The following BRSK2 variants were observed in gnomAD, a reference collection of about 807,000 sequenced individuals.
BRSK2 encodes the protein serine/threonine-protein kinase BRSK2.
In BRSK2, 19 loss-of-function variants were observed where a neutral mutation model predicts 83.3. The observed-to-expected ratio is 0.23, with a 90% CI of 0.16 to 0.33. BRSK2 has a LOEUF of 0.33. Among genes scored for constraint, BRSK2 ranks in the 10% least tolerant of loss-of-function variants. The pLI is 1.00. For synonymous variants in BRSK2, 519 were observed against 435.4 expected (o/e 1.19, Z -2.39); for missense variants, 798 against 1,042.3 (o/e 0.77, Z 3.23).
chr11:1,442,362 G>A, intron 4 of BRSK2, 128 bp from the exon 5 acceptor site: 1 of 660,968 alleles, frequency 1.5e-6, no homozygotes, highest in Non-Finnish European at 2.8e-6. Context: ...ACCAGGCTGG[G>A]CTGCTATTGG....
chr11:1,436,011 G>T, intron 1 of BRSK2, 29 bp from the exon 2 acceptor site: 3 of 1,571,486 alleles, frequency 1.9e-6, no homozygotes, highest in East Asian at 4.6e-5. Flanking sequence ...CCCTGGGTGG[G>T]TCTGAGCGCG....
chr11:1,448,816 G>A (rs978271642), intron 12 of BRSK2, among the ~76,000 whole-genome samples: 1 of 152,256 alleles, frequency 6.6e-6, no homozygotes, highest in Non-Finnish European at 1.5e-5. Flanking sequence ...TCACCGTGGG[G>A]ACCAGCCCCC....
In BRSK2 at chr11:1,406,282, T is replaced by A. The variant is rs1395367506; in HGVS notation, c.91+15907T>A. Reference sequence around the variant, plus strand: ...ATGGAGACCATCCTGGCTAACACGGTGAAACCCCATCTCTACTAAAAATAC... The same window carrying A: ...ATGGAGACCATCCTGGCTAACACGGAGAAACCCCATCTCTACTAAAAATAC... On this transcript the variant is annotated intron_variant, in intron 1 of 19. Transcript: ENST00000528841. Among the ~76,000 whole-genome samples, 3 of 152,098 alleles carry A rather than the reference T, an allele frequency of 2.0e-5. No individual in the cohort carries two copies. The East Asian group carries it at 5.8e-4, about 29-fold the overall frequency.
At chr11:1,397,214 C>A (rs796156213) in intron 1 of BRSK2, among the ~76,000 whole-genome samples, 8 of 152,348 alleles carry the variant, frequency 5.3e-5, no homozygotes, top group African/African-American at 1.9e-4. Flanking sequence ...CCTGAGGCCT[C>A]ACCCCAGGGA....
At chr11:1,429,164 G>A (rs1217139426) in intron 1 of BRSK2, among the ~76,000 whole-genome samples, 4 of 149,104 alleles carry the variant, frequency 2.7e-5, no homozygotes, top group East Asian at 2.0e-4. Flanking sequence ...GTGTGTGCAC[G>A]GGTGTGTGTC....
At chr11:1,410,577 G>A (rs1847366304) in intron 1 of BRSK2, 1 of 985,476 alleles carries the variant, frequency 1.0e-6, no homozygotes, top group South Asian at 4.7e-5. Context: ...AGGCTCTCTG[G>A]TCCCCGGGAG....
chr11:1,414,039 G>GT (rs1227504720), intron 1 of BRSK2, among the ~76,000 whole-genome samples: 2 of 152,234 alleles, frequency 1.3e-5, no homozygotes, highest in Admixed American at 1.3e-4. Context: ...ATATAACTGC[G>GT]TTTTCTCCAT....
intron 12 of BRSK2, among the ~76,000 whole-genome samples, chr11:1,446,365 G>A (rs555114631): frequency 6.6e-6 from 1 of 150,538 alleles, no homozygotes; most frequent in African/African-American, 2.5e-5. Context: ...GGGCAGGGCT[G>A]GGCTGAGCTG....
chr11:1,446,175 C>T lies in BRSK2; in HGVS notation c.1226+268C>T, dbSNP rs545511711. Among the ~76,000 whole-genome samples the T allele has an allele frequency of 8.7e-5, 12 of 138,388 alleles. No homozygotes were observed. The South Asian group carries it at 2.4e-3, about 27-fold the overall frequency. 90.8% of individuals were successfully genotyped at this position (138,388 alleles called of 152,430 possible). A position where few individuals can be genotyped will look rare whatever the true frequency, so the allele number is the denominator to read the frequency against. Reference sequence around the variant, plus strand: ...CTAGGCTGAGCTGGGCTGGCCTGGGCTGGGCTGGGCTAGTTTGGGCTGGGC... The same window carrying T: ...CTAGGCTGAGCTGGGCTGGCCTGGGTTGGGCTGGGCTAGTTTGGGCTGGGC... On this transcript the variant is annotated intron_variant, in intron 12 of 19. Coordinates refer to ENST00000528841, the MANE Select transcript of BRSK2 (RefSeq NM_001256627.2).
Position 1,443,316 on chromosome 11 carries a change from C to A in BRSK2, c.565-19C>A, listed in dbSNP as rs755908252. 3 of 1,600,172 alleles carry A rather than the reference C, an allele frequency of 1.9e-6. No homozygotes were observed. Among genetic ancestry groups the A allele is most frequent in the South Asian group, 2.2e-5 (2 of 89,050 alleles). The stretch of plus-strand genomic sequence containing the variant: ...CCCTGCCCTGCGCCCCCCAACAGCC[C>A]GGGCACTGCTGTCCACAGGGGGAGA... On this transcript the variant is annotated intron_variant, in intron 6 of 19. Transcript: ENST00000528841.
chr11:1,455,614 G>A (rs979005518), intron 16 of BRSK2, among the ~76,000 whole-genome samples: 19 of 152,030 alleles, frequency 1.2e-4, no homozygotes, highest in African/African-American at 4.6e-4. Flanking sequence ...GCCTCAGACT[G>A]CACTTGGACC....
intron 1 of BRSK2, among the ~76,000 whole-genome samples, chr11:1,399,368 G>A (rs970438839): frequency 9.2e-5 from 14 of 152,212 alleles, no homozygotes; most frequent in Non-Finnish European, 1.8e-4. Flanking sequence ...TGGGGCCAGC[G>A]TCAGCCTCAG....
intron 3 of BRSK2, among the ~76,000 whole-genome samples, chr11:1,439,060 G>T (rs1850765656): frequency 1.3e-5 from 2 of 152,192 alleles, no homozygotes; most frequent in Admixed American, 1.3e-4. Context: ...GGGCTGTCTG[G>T]CCTTGAGCCT....
chr11:1,416,633 A>C (rs1590389086), intron 1 of BRSK2, among the ~76,000 whole-genome samples: 1 of 152,134 alleles, frequency 6.6e-6, no homozygotes, highest in Admixed American at 6.5e-5. Flanking sequence ...CAGGTGCTAC[A>C]CCATGGTCCT....
chr11:1,429,339 T>A (rs1402796640), intron 1 of BRSK2, among the ~76,000 whole-genome samples: 1 of 137,592 alleles, frequency 7.3e-6, no homozygotes, highest in Non-Finnish European at 1.5e-5. Context: ...GTGTGTGTCC[T>A]GGGTGCATGT....
At chr11:1,397,101 T>A (rs984593563) in intron 1 of BRSK2, among the ~76,000 whole-genome samples, 2 of 152,160 alleles carry the variant, frequency 1.3e-5, no homozygotes, top group Non-Finnish European at 2.9e-5. Context: ...CCCTGCCACC[T>A]CCTCTGTGCA....
chr11:1,434,191 C>T (rs760586953), intron 1 of BRSK2, among the ~76,000 whole-genome samples: 1 of 152,226 alleles, frequency 6.6e-6, no homozygotes, highest in Non-Finnish European at 1.5e-5. Context: ...GGTGACGTCC[C>T]GCGGGTCAAC....
intron 12 of BRSK2, among the ~76,000 whole-genome samples, chr11:1,446,206 T>G (rs933239031): frequency 7.3e-6 from 1 of 137,156 alleles, no homozygotes; most frequent in Non-Finnish European, 1.5e-5. Context: ...TGGGCTAGAC[T>G]GCACTTGGTT....
At chr11:1,448,839 G>T (rs1279926801) in intron 12 of BRSK2, among the ~76,000 whole-genome samples, 1 of 152,252 alleles carries the variant, frequency 6.6e-6, no homozygotes, top group African/African-American at 2.4e-5. Context: ...GTGTCCGGGA[G>T]CCAGGTGTGT....
Sources: gnomAD v4.1 joint callset for allele counts (sites outside exome capture counted in the v4.1 genomes callset) on GRCh38, gnomAD v4.1.1 for gene constraint, MANE v1.5 for transcripts, NCBI Gene and HGNC (gene_info 2026-07-23, HGNC 2026-07-21) for gene names.